Variants in CEP128 observed in about 807,000 individuals in gnomAD.
CEP128 encodes the protein centrosomal protein 128.
A neutral mutation model predicts 156.7 loss-of-function variants in CEP128; 132 were observed. The observed-to-expected ratio is 0.84, with a 90% CI of 0.73 to 0.97. The LOEUF (loss-of-function observed/expected upper bound fraction) is 0.97, where lower values mean the gene tolerates loss of function less well. Among genes scored for constraint, CEP128 ranks in the 50% least tolerant of loss-of-function variants. CEP128 has a pLI of 0.00. For missense variants in CEP128, 1,252 were observed against 1,281.9 expected (o/e 0.98, Z 0.36); for synonymous variants, 469 against 448.9 (o/e 1.04, Z -0.57).
chr14:80,563,678 G>A (rs1404746122), intron 20 of CEP128, among the ~76,000 whole-genome samples: 1 of 151,586 alleles, frequency 6.6e-6, no homozygotes, highest in Non-Finnish European at 1.5e-5. Context: ...GGACTACAAG[G>A]CGCGTGCCAC....
At chr14:80,479,391 A>G (rs1566731600) in intron 14 of CEP128, among the ~76,000 whole-genome samples, 1 of 152,294 alleles carries the variant, frequency 6.6e-6, no homozygotes, top group East Asian at 1.9e-4. Flanking sequence ...GTAGTTCCAC[A>G]TGGCTGGAGA....
chr14:80,865,650 A>C (rs1379106311), intron 8 of CEP128, among the ~76,000 whole-genome samples: 7 of 152,118 alleles, frequency 4.6e-5, no homozygotes, highest in Admixed American at 4.6e-4. Context: ...ATGGGATGTC[A>C]CTTCCATTAT....
chr14:80,716,902 C>A (rs1189290542), intron 19 of CEP128, among the ~76,000 whole-genome samples: 3 of 152,136 alleles, frequency 2.0e-5, no homozygotes, highest in Non-Finnish European at 4.4e-5. Context: ...TTGTTACTAT[C>A]TTTTTTATTA....
At chr14:80,732,641 G>A (rs879890285) in intron 19 of CEP128, among the ~76,000 whole-genome samples, 5 of 152,074 alleles carry the variant, frequency 3.3e-5, no homozygotes, top group Non-Finnish European at 7.4e-5. Flanking sequence ...GAGAGTATTC[G>A]AGGTTATTTC....
chr14:80,902,936 T>C (rs1046966749), intron 6 of CEP128, among the ~76,000 whole-genome samples: 1 of 152,048 alleles, frequency 6.6e-6, no homozygotes, highest in Non-Finnish European at 1.5e-5. Flanking sequence ...TAATCCTCCA[T>C]AACAAAACTC....
intron 23 of CEP128, among the ~76,000 whole-genome samples, chr14:80,510,747 C>A (rs1329555432): frequency 6.6e-6 from 1 of 151,730 alleles, no homozygotes; most frequent in Non-Finnish European, 1.5e-5. Flanking sequence ...TCATATATAA[C>A]TTTTATGGTG....
At position 80,653,339 on chromosome 14, in the gene CEP128, A is replaced by T. The variant is rs547111875; in HGVS notation, c.2807-72916T>A. Among the ~76,000 whole-genome samples the T allele has an allele frequency of 2.6e-3, 398 of 152,170 alleles. 1 individual carries two copies. The highest frequency in any genetic ancestry group is 0.01 in the Middle Eastern group (3 of 294). The stretch of plus-strand genomic sequence containing the variant: ...CCCAGAACTTAAAGTTTAATAATAA[A>T]AAAAAAAGTTGGAAGGTAGCAGAGG... On this transcript the variant is annotated intron_variant, in intron 19 of 24. Transcript: ENST00000555265.
chr14:80,578,459 C>G (rs1891449717), intron 20 of CEP128, among the ~76,000 whole-genome samples: 1 of 152,142 alleles, frequency 6.6e-6, no homozygotes, highest in African/African-American at 2.4e-5. Flanking sequence ...TGAGGATGTG[C>G]TAACATTGTA....
chr14:80,856,208 G>A (rs1431530949), intron 9 of CEP128, among the ~76,000 whole-genome samples: 11 of 152,016 alleles, frequency 7.2e-5, no homozygotes, highest in South Asian at 2.1e-4. Flanking sequence ...CTTCACCATC[G>A]TCTATTAAGA....
intron 19 of CEP128, among the ~76,000 whole-genome samples, chr14:80,735,256 GC>G (rs1898474463): frequency 6.6e-6 from 1 of 152,090 alleles, no homozygotes; most frequent in South Asian, 2.1e-4. Flanking sequence ...AACAGCCTAA[GC>G]CAATAAGGAC....
exon 15 of CEP128, chr14:80,477,614 A>C (rs971228841): frequency 6.6e-6 from 1 of 152,214 alleles, no homozygotes; most frequent in African/African-American, 2.4e-5. Flanking sequence ...TGGAACTAAA[A>C]GGCCCACACA....
At chr14:80,624,776 T>G (rs1226906678) in intron 19 of CEP128, among the ~76,000 whole-genome samples, 1 of 152,134 alleles carries the variant, frequency 6.6e-6, no homozygotes, top group Non-Finnish European at 1.5e-5. Context: ...ATTATTTGTT[T>G]TCTGTTGAGT....
At chr14:80,930,977 T>C (rs1423106174) in intron 2 of CEP128, among the ~76,000 whole-genome samples, 1 of 152,174 alleles carries the variant, frequency 6.6e-6, no homozygotes, top group Non-Finnish European at 1.5e-5. Context: ...AGATGAATGA[T>C]GAAATAACAG....
At chr14:80,814,500 G>GT (rs886862117) in intron 13 of CEP128, among the ~76,000 whole-genome samples, 6 of 151,490 alleles carry the variant, frequency 4.0e-5, no homozygotes, top group African/African-American at 1.2e-4. Flanking sequence ...AAAATTATTG[G>GT]TAAAAAAAAG....
At chr14:80,644,916 A>G (rs1458788532) in intron 19 of CEP128, among the ~76,000 whole-genome samples, 1 of 152,168 alleles carries the variant, frequency 6.6e-6, no homozygotes, top group African/African-American at 2.4e-5. Context: ...ATTTTCTAGG[A>G]AAATAATCCA....
At chr14:80,812,250 CT>C (rs1309946589) in intron 13 of CEP128, among the ~76,000 whole-genome samples, 1 of 152,212 alleles carries the variant, frequency 6.6e-6, no homozygotes, top group Non-Finnish European at 1.5e-5. Flanking sequence ...AGTTTTATGG[CT>C]GTGTAGTATT....
At chr14:80,686,154 AACAG>A (rs1278366223) in intron 19 of CEP128, among the ~76,000 whole-genome samples, 5 of 152,096 alleles carry the variant, frequency 3.3e-5, no homozygotes, top group African/African-American at 1.2e-4. Flanking sequence ...CAACAGATTA[AACAG>A]ACAATCTATA....
intron 14 of CEP128, among the ~76,000 whole-genome samples, chr14:80,789,433 G>A (rs1057445334): frequency 5.3e-5 from 8 of 152,138 alleles, no homozygotes; most frequent in Admixed American, 5.2e-4. Context: ...TTCAGTGACG[G>A]TCACTATAAA....
intron 14 of CEP128, among the ~76,000 whole-genome samples, chr14:80,790,580 T>C (rs1901650801): frequency 6.6e-6 from 1 of 152,184 alleles, no homozygotes; most frequent in African/African-American, 2.4e-5. Context: ...ATCTGGGTTT[T>C]TTTTTTCCCC....
Sources: gnomAD v4.1 joint callset for allele counts (sites outside exome capture counted in the v4.1 genomes callset) on GRCh38, gnomAD v4.1.1 for gene constraint, MANE v1.5 for transcripts, NCBI Gene and HGNC (gene_info 2026-07-23, HGNC 2026-07-21) for gene names.